The following FAM168A variants were observed in gnomAD, a reference collection of about 807,000 sequenced individuals.
FAM168A encodes the protein protein FAM168A.
A neutral mutation model predicts 28.5 loss-of-function variants in FAM168A; 3 were observed. The ratio of observed to expected loss-of-function variants is 0.11; its 90% CI spans 0.05 to 0.27. FAM168A has a LOEUF of 0.27. FAM168A is among the 10% of genes least tolerant of loss of function. The pLI is 1.00. For missense variants in FAM168A, 222 were observed against 311.5 expected, an observed-to-expected ratio of 0.71 and a Z score of 2.16; for synonymous variants, 122 against 124.2, an observed-to-expected ratio of 0.98 and a Z score of 0.12.
At chr11:73,433,049 C>T (rs77532171) in intron 2 of FAM168A, among the ~76,000 whole-genome samples, 11,286 of 148,876 alleles carry the variant, frequency 0.076, 555 homozygotes, top group Admixed American at 0.11. Flanking sequence ...ATAGCTAGGC[C>T]TACAGGTGCG....
chr11:73,423,867 T>C (rs1866839742), intron 3 of FAM168A, among the ~76,000 whole-genome samples: 2 of 152,226 alleles, frequency 1.3e-5, no homozygotes, highest in East Asian at 3.8e-4. Flanking sequence ...GGCACAGAAT[T>C]TTATAAAGTG....
intron 1 of FAM168A, among the ~76,000 whole-genome samples, chr11:73,496,924 C>CACACGCACGT (rs1854900800): frequency 1.3e-5 from 2 of 152,126 alleles, no homozygotes; most frequent in Admixed American, 6.5e-5. Context: ...CACGCACACA[C>CACACGCACGT]ACACACAGTT....
chr11:73,434,714 T>C (rs937382641), intron 2 of FAM168A, among the ~76,000 whole-genome samples: 1 of 152,150 alleles, frequency 6.6e-6, no homozygotes, highest in African/African-American at 2.4e-5. Flanking sequence ...TGAGAAGACC[T>C]CATAGGGTTT....
intron 1 of FAM168A, among the ~76,000 whole-genome samples, chr11:73,562,995 T>C (rs941726577): frequency 6.6e-6 from 1 of 152,204 alleles, no homozygotes. Context: ...ATATATAGTA[T>C]CCTCGTGACC....
At chr11:73,500,764 G>A (rs1324927946) in intron 1 of FAM168A, among the ~76,000 whole-genome samples, 1 of 152,138 alleles carries the variant, frequency 6.6e-6, no homozygotes, top group Admixed American at 6.5e-5. Context: ...ATGACACTAT[G>A]AAGAAACTGC....
At chr11:73,540,572 C>T (rs1265653965) in intron 1 of FAM168A, among the ~76,000 whole-genome samples, 1 of 152,174 alleles carries the variant, frequency 6.6e-6, no homozygotes, top group Non-Finnish European at 1.5e-5. Flanking sequence ...ATTCCTACCT[C>T]TGGATCTTTC....
intron 1 of FAM168A, among the ~76,000 whole-genome samples, chr11:73,574,865 A>T (rs952135154): frequency 6.6e-6 from 1 of 151,540 alleles, no homozygotes; most frequent in Non-Finnish European, 1.5e-5. Flanking sequence ...TGCCCATCCG[A>T]TGTTGGCCAT....
intron 1 of FAM168A, among the ~76,000 whole-genome samples, chr11:73,489,327 C>A (rs1868096880): frequency 6.6e-6 from 1 of 152,088 alleles, no homozygotes; most frequent in African/African-American, 2.4e-5. Context: ...TCTTCCTATT[C>A]TTTTGAACCC....
chr11:73,544,688 ATATTT>A (rs1385695315), intron 1 of FAM168A, among the ~76,000 whole-genome samples: 1 of 124,550 alleles, frequency 8.0e-6, no homozygotes, highest in Non-Finnish European at 1.6e-5. Context: ...ATATAATTAT[ATATTT>A]TATATGTAAT....
rs574603165 is a variant in FAM168A, at chr11:73,520,906, G to A, written c.-18-52414C>T. 1.0e-4 allele frequency among the ~76,000 whole-genome samples: 15 copies of A among 149,996 alleles called. No individual in the cohort carries two copies. In the South Asian group the frequency reaches 3.1e-3, roughly 31 times the overall value. On this transcript the variant is annotated intron_variant, in intron 1 of 7. Transcript: ENST00000356467. ...CCCCCAAAGAAAATGGAAATAAGCA[G>A]CTAAAAAAAAAAACAGTACTGGTAA...
intron 1 of FAM168A, among the ~76,000 whole-genome samples, chr11:73,568,697 C>G (rs907120755): frequency 6.6e-6 from 1 of 151,984 alleles, no homozygotes; most frequent in African/African-American, 2.4e-5. Flanking sequence ...GAGTTTGAGC[C>G]CAGCCTGGCC....
chr11:73,518,553 G>T (rs1943333902), intron 1 of FAM168A, among the ~76,000 whole-genome samples: 1 of 151,856 alleles, frequency 6.6e-6, no homozygotes, highest in Admixed American at 6.6e-5. Context: ...GCGTGGAATT[G>T]TGGTGGGGGA....
At chr11:73,416,497 A>G (rs1866697112) in intron 4 of FAM168A, among the ~76,000 whole-genome samples, 1 of 152,242 alleles carries the variant, frequency 6.6e-6, no homozygotes, top group Non-Finnish European at 1.5e-5. Context: ...AATCAGCAGG[A>G]GACCTAATTA....
At chr11:73,407,476 A>C in intron 7 of FAM168A, 37 bp downstream of exon 7, 1 of 1,433,482 alleles carries the variant, frequency 7.0e-7, no homozygotes, top group Non-Finnish European at 9.4e-7. Context: ...TCCTGTATGT[A>C]TCCCCCTCCC....
intron 1 of FAM168A, among the ~76,000 whole-genome samples, chr11:73,559,364 G>A (rs576879632): frequency 1.6e-4 from 24 of 151,956 alleles, no homozygotes; most frequent in East Asian, 7.7e-4. Context: ...CCGAGATCGC[G>A]CCACTGCATC....
Position 73,512,748 on chromosome 11 carries a change from G to A in FAM168A, c.-18-44256C>T, listed in dbSNP as rs139656701. ...AAAAGTTAAAATCTAGTACTATCTA[G>A]TTATTATTATTTACATAAATATAAT... On this transcript the variant is annotated intron_variant, in intron 1 of 7. Transcript: ENST00000356467. 8.9e-3 allele frequency among the ~76,000 whole-genome samples: 1,352 copies of A among 151,996 alleles called. 20 individuals carry two copies. The highest frequency in any genetic ancestry group is 0.031 in the African/African-American group (1,286 of 41,444).
At chr11:73,488,529 T>C (rs991594071) in intron 1 of FAM168A, among the ~76,000 whole-genome samples, 1 of 152,184 alleles carries the variant, frequency 6.6e-6, no homozygotes, top group African/African-American at 2.4e-5. Context: ...CACTCTCAAC[T>C]AGTGATTTTG....
intron 1 of FAM168A, among the ~76,000 whole-genome samples, chr11:73,510,275 C>T (rs2134636074): frequency 1.3e-5 from 2 of 152,172 alleles, no homozygotes; most frequent in South Asian, 4.1e-4. Context: ...ATTTAATAAA[C>T]CTGAGAGGTT....
At chr11:73,559,545 C>T (rs780391581) in intron 1 of FAM168A, among the ~76,000 whole-genome samples, 2 of 152,038 alleles carry the variant, frequency 1.3e-5, no homozygotes, top group Non-Finnish European at 2.9e-5. Context: ...AAAGGCCACA[C>T]ATTATATGAT....
Sources: allele counts gnomAD v4.1 joint callset (sites outside exome capture counted in the v4.1 genomes callset), GRCh38; gene constraint gnomAD v4.1.1; transcripts MANE v1.5; gene names NCBI Gene and HGNC (gene_info 2026-07-23, HGNC 2026-07-21).